RBMS3: variants seen among roughly 807,000 people sequenced by gnomAD.
The protein encoded by RBMS3 is RNA-binding motif, single-stranded-interacting protein 3.
A neutral mutation model predicts 66.8 loss-of-function variants in RBMS3; 27 were observed. That is an observed-to-expected ratio of 0.40 (90% CI 0.30 to 0.56). The LOEUF (loss-of-function observed/expected upper bound fraction) is 0.56. RBMS3 is among the 20% of genes least tolerant of loss of function. The probability of loss-of-function intolerance (pLI) is 0.40; values close to 1 mark genes in which losing one functional copy is unlikely to be tolerated. For synonymous variants in RBMS3, 188 were observed against 183.0 expected (o/e 1.03, Z -0.22); for missense variants, 513 against 549.5 (o/e 0.93, Z 0.66).
At chr3:29,482,254 T>G (rs1160839394) in intron 2 of RBMS3, among the ~76,000 whole-genome samples, 2 of 152,202 alleles carry the variant, frequency 1.3e-5, no homozygotes, top group African/African-American at 2.4e-5. Context: ...CCAAATTACA[T>G]AACCCAACTA....
chr3:29,497,819 A>G (rs1190830606), intron 3 of RBMS3, among the ~76,000 whole-genome samples: 1 of 152,044 alleles, frequency 6.6e-6, no homozygotes, highest in East Asian at 1.9e-4. Flanking sequence ...CTTAGATCCC[A>G]GTGCTTTACC....
chr3:29,780,015 A>G (rs768525235), intron 6 of RBMS3, among the ~76,000 whole-genome samples: 7 of 151,790 alleles, frequency 4.6e-5, no homozygotes, highest in Non-Finnish European at 8.8e-5. Context: ...CCCTGCATGG[A>G]GGAAAGGAAT....
intron 13 of RBMS3, 70 bp from the exon 14 acceptor site, chr3:29,991,012 T>G: frequency 6.7e-7 from 1 of 1,493,398 alleles, no homozygotes; most frequent in Non-Finnish European, 9.3e-7. Flanking sequence ...AGAGGGGTAC[T>G]TACAGCCTAT....
At chr3:29,617,921 G>C (rs777797590) in intron 4 of RBMS3, among the ~76,000 whole-genome samples, 3 of 152,188 alleles carry the variant, frequency 2.0e-5, no homozygotes, top group Non-Finnish European at 4.4e-5. Flanking sequence ...GGGAAGTGAA[G>C]TCATGGGAGC....
chr3:29,587,024 G>T, intron 3 of RBMS3, 90 bp from the exon 4 acceptor site: 2 of 943,016 alleles, frequency 2.1e-6, no homozygotes, highest in Non-Finnish European at 3.2e-6. Flanking sequence ...AGAAATGAAT[G>T]CAAGTCTATC....
chr3:29,293,115 A>G (rs999002528), intron 1 of RBMS3, among the ~76,000 whole-genome samples: 3 of 151,864 alleles, frequency 2.0e-5, no homozygotes, highest in African/African-American at 7.2e-5. Flanking sequence ...GAGAACCTGT[A>G]TAAAAGCCTT....
chr3:29,750,592 TC>T (rs2055130585), intron 5 of RBMS3, among the ~76,000 whole-genome samples: 1 of 152,154 alleles, frequency 6.6e-6, no homozygotes, highest in South Asian at 2.1e-4. Context: ...ATGTGCAGGT[TC>T]GTTATATAGG....
intron 1 of RBMS3, among the ~76,000 whole-genome samples, chr3:29,404,320 C>T (rs1252692455): frequency 6.6e-6 from 1 of 152,054 alleles, no homozygotes; most frequent in African/African-American, 2.4e-5. Context: ...CAGTGGTTTA[C>T]CCTTCTTTTC....
chr3:29,375,144 C>T (rs2038402378), intron 1 of RBMS3, among the ~76,000 whole-genome samples: 1 of 152,168 alleles, frequency 6.6e-6, no homozygotes, highest in South Asian at 2.1e-4. Flanking sequence ...GTTGGGAAAA[C>T]TGGCTGGCTA....
At chr3:29,749,494 T>C (rs1016977956) in intron 5 of RBMS3, among the ~76,000 whole-genome samples, 1 of 152,208 alleles carries the variant, frequency 6.6e-6, no homozygotes. Flanking sequence ...GCTAGAACTT[T>C]TTCATAAGGA....
At chr3:29,366,885 T>C (rs1285620984) in intron 1 of RBMS3, among the ~76,000 whole-genome samples, 1 of 152,102 alleles carries the variant, frequency 6.6e-6, no homozygotes, top group African/African-American at 2.4e-5. Context: ...GACATGAAAA[T>C]AAAAGTCAGT....
At chr3:29,296,769 A>G (rs929306936) in intron 1 of RBMS3, among the ~76,000 whole-genome samples, 1 of 151,736 alleles carries the variant, frequency 6.6e-6, no homozygotes. Context: ...TCCTCTTTAC[A>G]TAGTCATATT....
intron 4 of RBMS3, among the ~76,000 whole-genome samples, chr3:29,735,803 C>G (rs1400542864): frequency 6.6e-6 from 1 of 152,178 alleles, no homozygotes; most frequent in Non-Finnish European, 1.5e-5. Context: ...TCATCTATTT[C>G]TAGCCTGTTC....
At chr3:29,497,063 C>T (rs1422133003) in intron 3 of RBMS3, among the ~76,000 whole-genome samples, 2 of 151,770 alleles carry the variant, frequency 1.3e-5, no homozygotes, top group Non-Finnish European at 2.9e-5. Context: ...CACTCTGTCA[C>T]CCAGGCTAGA....
At chr3:29,426,714 A>G (rs928846635) in intron 1 of RBMS3, among the ~76,000 whole-genome samples, 1 of 149,634 alleles carries the variant, frequency 6.7e-6, no homozygotes, top group Non-Finnish European at 1.5e-5. Context: ...AGTGGCTTTC[A>G]TGTTTAAAAA....
At chr3:29,806,142 A>G (rs994022711) in intron 6 of RBMS3, among the ~76,000 whole-genome samples, 3 of 152,056 alleles carry the variant, frequency 2.0e-5, no homozygotes, top group African/African-American at 7.2e-5. Context: ...CATGAACCAT[A>G]TTTCCCTTCT....
At chr3:29,547,372 A>C (rs1310844521) in intron 3 of RBMS3, among the ~76,000 whole-genome samples, 1 of 152,148 alleles carries the variant, frequency 6.6e-6, no homozygotes, top group Non-Finnish European at 1.5e-5. Flanking sequence ...TCACCAATAC[A>C]TTGTAGGTAG....
chr3:29,652,839 G>A (rs1226729302), intron 4 of RBMS3, among the ~76,000 whole-genome samples: 4 of 152,214 alleles, frequency 2.6e-5, no homozygotes, highest in Middle Eastern at 3.4e-3. Flanking sequence ...AAGTATTGAT[G>A]TTCTGCTCCC....
At chr3:30,002,147 C>T (rs184540088) in intron 14 of RBMS3, among the ~76,000 whole-genome samples, 147 of 152,100 alleles carry the variant, frequency 9.7e-4, no homozygotes, top group African/African-American at 3.1e-3. Flanking sequence ...CATTTGTGTA[C>T]AGTTATAAAA....
Sources: allele counts gnomAD v4.1 joint callset (sites outside exome capture counted in the v4.1 genomes callset), GRCh38; gene constraint gnomAD v4.1.1; transcripts MANE v1.5; gene names NCBI Gene and HGNC (gene_info 2026-07-23, HGNC 2026-07-21).